The following CYFIP1 variants were observed in gnomAD, a reference collection of about 807,000 sequenced individuals.
The protein encoded by CYFIP1 is cytoplasmic FMR1 interacting protein 1.
CYFIP1 carries 58 observed loss-of-function variants against 163.5 expected under a neutral mutation model. The ratio of observed to expected loss-of-function variants is 0.35; its 90% CI spans 0.29 to 0.44. CYFIP1 has a LOEUF of 0.44. CYFIP1 is among the 20% of genes least tolerant of loss of function. The probability of loss-of-function intolerance (pLI) is 1.00; values close to 1 mark genes in which losing one functional copy is unlikely to be tolerated. For synonymous variants in CYFIP1, 663 were observed against 660.7 expected (o/e 1.00, Z -0.05); for missense variants, 1,338 against 1,653.8 (o/e 0.81, Z 3.31).
intron 1 of CYFIP1, among the ~76,000 whole-genome samples, chr15:22,977,602 G>A (rs1295372155): frequency 6.6e-6 from 1 of 152,100 alleles, no homozygotes; most frequent in African/African-American, 2.4e-5. Context: ...AGGCCGAGGT[G>A]GGTGGATCAC....
chr15:22,885,567 C>T (rs1188882701), intron 23 of CYFIP1, among the ~76,000 whole-genome samples: 2 of 152,102 alleles, frequency 1.3e-5, no homozygotes, highest in East Asian at 1.9e-4. Context: ...TCTGTCTCTA[C>T]TAAAAATACA....
At chr15:22,884,227 AT>A (rs1411701270) in intron 23 of CYFIP1, among the ~76,000 whole-genome samples, 2 of 152,178 alleles carry the variant, frequency 1.3e-5, no homozygotes, top group Non-Finnish European at 2.9e-5. Context: ...TCCAGCATTA[AT>A]TCAAAAGTCC....
intron 5 of CYFIP1, among the ~76,000 whole-genome samples, 156 bp from the exon 6 acceptor site, chr15:22,943,510 C>T (rs535792436): frequency 6.6e-6 from 1 of 152,342 alleles, no homozygotes; most frequent in African/African-American, 2.4e-5. Context: ...GCAACCAGAC[C>T]CCTTCCTGAA....
intron 1 of CYFIP1, among the ~76,000 whole-genome samples, chr15:22,977,086 C>G (rs1054996989): frequency 6.6e-6 from 1 of 152,084 alleles, no homozygotes; most frequent in Non-Finnish European, 1.5e-5. Flanking sequence ...GTAATCCCAG[C>G]TACTCGGGAG....
chr15:22,893,932 T>C (rs2060149915), intron 22 of CYFIP1, among the ~76,000 whole-genome samples: 1 of 152,172 alleles, frequency 6.6e-6, no homozygotes, highest in African/African-American at 2.4e-5. Flanking sequence ...TGTCTGTGTG[T>C]CCCTGCGCCT....
At position 22,959,516 on chromosome 15, in the gene CYFIP1, G is replaced by A. The variant is rs142232837; in HGVS notation, c.-6-12225C>T. 3.2e-3 allele frequency among the ~76,000 whole-genome samples: 490 copies of A among 152,322 alleles called. 9 individuals carry two copies. In the East Asian group the frequency reaches 0.041, roughly 13 times the overall value. Reference sequence around the variant, plus strand: ...CTCACGTGCCTCAGTGGCGTGGCCCGCATGGCCGGGCAGTCCCGCCTGCTC... The same window carrying A: ...CTCACGTGCCTCAGTGGCGTGGCCCACATGGCCGGGCAGTCCCGCCTGCTC... On this transcript the variant is annotated intron_variant, in intron 1 of 30. Transcript: ENST00000617928.
At chr15:22,872,629 AATG>A (rs1297570937) in intron 30 of CYFIP1, 193 bp downstream of exon 30, 2 of 573,198 alleles carry the variant, frequency 3.5e-6, no homozygotes, top group Admixed American at 3.2e-5. Context: ...AAAACGGAAC[AATG>A]AGTATTTTCT....
At chr15:22,959,374 G>A (rs902472599) in intron 1 of CYFIP1, among the ~76,000 whole-genome samples, 2 of 152,236 alleles carry the variant, frequency 1.3e-5, no homozygotes, top group Non-Finnish European at 2.9e-5. Flanking sequence ...TCTCCGGGAG[G>A]ACAGTCACAC....
chr15:22,873,760 G>A (rs761503084), intron 28 of CYFIP1, 31 bp from the exon 29 acceptor site: 8 of 1,568,604 alleles, frequency 5.1e-6, no homozygotes, highest in Non-Finnish European at 8.7e-7. Context: ...GGAATGCCGT[G>A]GGCCTCCAGG....
At chr15:22,885,285 T>C (rs1355690352) in intron 23 of CYFIP1, among the ~76,000 whole-genome samples, 1 of 152,164 alleles carries the variant, frequency 6.6e-6, no homozygotes, top group Non-Finnish European at 1.5e-5. Context: ...GTACCACGTA[T>C]CTCTAGGGCG....
At chr15:22,890,265 T>C (rs1181947601) in intron 23 of CYFIP1, among the ~76,000 whole-genome samples, 2 of 150,858 alleles carry the variant, frequency 1.3e-5, no homozygotes, top group African/African-American at 4.9e-5. Context: ...TAAGCCGAGA[T>C]TGTGCCCTGC....
At chr15:22,878,700 T>TA (rs35977367) in intron 26 of CYFIP1, among the ~76,000 whole-genome samples, 262 of 136,650 alleles carry the variant, frequency 1.9e-3, no homozygotes, top group South Asian at 9.2e-3. Context: ...TGCTAATCAT[T>TA]AAAAAAAAAA....
chr15:22,980,357 C>G lies in CYFIP1; in HGVS notation c.-77G>C, dbSNP rs528150768. 1 of 151,846 alleles carries G rather than the reference C, an allele frequency of 6.6e-6. No homozygotes were observed. The highest frequency in any genetic ancestry group is 2.4e-5 in the African/African-American group (1 of 41,474). The allele number at this position is 151,846 out of a possible 1,614,324, so 9.4% of individuals were successfully genotyped here. A position where few individuals can be genotyped will look rare whatever the true frequency, so the allele number is the denominator to read the frequency against. ...TCCTTGGCCGAGTGAGTCACTCGGG[C>G]TGGCCGGGAATGCGCCAGGAAACAC... On this transcript the variant is annotated 5_prime_UTR_variant, in exon 1 of 31. Transcript: ENST00000617928.
chr15:22,914,168 G>T (rs1327131192), intron 17 of CYFIP1, among the ~76,000 whole-genome samples: 4 of 152,030 alleles, frequency 2.6e-5, no homozygotes, highest in Non-Finnish European at 5.9e-5. Context: ...CACACAAAAG[G>T]CCAGGCCACA....
intron 12 of CYFIP1, among the ~76,000 whole-genome samples, chr15:22,926,913 C>T (rs2061374021): frequency 6.6e-6 from 1 of 152,184 alleles, no homozygotes; most frequent in East Asian, 1.9e-4. Context: ...CGATGGACAT[C>T]CCAAGCACAC....
chr15:22,922,165 A>T (rs957411467), intron 13 of CYFIP1, among the ~76,000 whole-genome samples: 2 of 152,016 alleles, frequency 1.3e-5, no homozygotes, highest in African/African-American at 4.8e-5. Context: ...TCCTGCCTAG[A>T]GATTATGTTT....
intron 23 of CYFIP1, among the ~76,000 whole-genome samples, chr15:22,886,958 T>G (rs942578418): frequency 1.3e-5 from 2 of 152,206 alleles, no homozygotes; most frequent in African/African-American, 4.8e-5. Flanking sequence ...ACAGAAGCCT[T>G]GTTGTTTGAC....
In CYFIP1 at chr15:22,948,963, G is replaced by A. The variant is rs113557903; in HGVS notation, c.-6-1672C>T. On this transcript the variant is annotated intron_variant, in intron 1 of 30. Coordinates refer to ENST00000617928, the MANE Select transcript of CYFIP1 (RefSeq NM_014608.6). ...GGTCTAACATCTGTGCCATGAGAGT[G>A]CAAAAGGAAAAGGGGAAACCAAGCA... 3.8e-3 allele frequency among the ~76,000 whole-genome samples: 573 copies of A among 152,140 alleles called. 8 individuals carry two copies. The highest frequency in any genetic ancestry group is 6.0e-3 in the Non-Finnish European group (410 of 68,010).
intron 16 of CYFIP1, 67 bp downstream of exon 16, chr15:22,916,410 G>C: frequency 8.1e-7 from 1 of 1,238,776 alleles, no homozygotes; most frequent in Non-Finnish European, 1.2e-6. Flanking sequence ...GCGGGCGGAA[G>C]CATTCTAGAC....
Sources: gnomAD v4.1 joint callset for allele counts (sites outside exome capture counted in the v4.1 genomes callset) on GRCh38, gnomAD v4.1.1 for gene constraint, MANE v1.5 for transcripts, NCBI Gene and HGNC (gene_info 2026-07-23, HGNC 2026-07-21) for gene names.